The following PTPRD variants were observed in gnomAD, a reference collection of about 807,000 sequenced individuals.
The protein encoded by PTPRD is protein tyrosine phosphatase receptor type D.
Under a neutral mutation model 214.5 loss-of-function variants are expected in PTPRD, and 34 were observed. The observed-to-expected ratio is 0.16, with a 90% CI of 0.12 to 0.21. The LOEUF (loss-of-function observed/expected upper bound fraction) is 0.21. Ranked by LOEUF, PTPRD falls within the 10% of genes least tolerant of loss-of-function variation. PTPRD has a pLI of 1.00. For missense variants in PTPRD, 2,545 were observed against 2,398.7 expected, an observed-to-expected ratio of 1.06 and a Z score of -1.27; for synonymous variants, 1,128 against 845.7, an observed-to-expected ratio of 1.33 and a Z score of -5.79.
chr9:10,245,084 T>C (rs2091860734), intron 3 of PTPRD, among the ~76,000 whole-genome samples: 1 of 152,108 alleles, frequency 6.6e-6, no homozygotes, highest in Non-Finnish European at 1.5e-5. Context: ...TGACATAAAG[T>C]TTGACATTTT....
At chr9:9,630,227 G>T (rs1465670763) in intron 7 of PTPRD, among the ~76,000 whole-genome samples, 1 of 152,208 alleles carries the variant, frequency 6.6e-6, no homozygotes, top group Non-Finnish European at 1.5e-5. Context: ...ATGGGGATAG[G>T]TTGGAGGTTG....
At chr9:10,280,495 T>C (rs1443825743) in intron 3 of PTPRD, among the ~76,000 whole-genome samples, 1 of 152,132 alleles carries the variant, frequency 6.6e-6, no homozygotes, top group Non-Finnish European at 1.5e-5. Context: ...ACAATATAAA[T>C]AAATGTTTGT....
At chr9:9,304,837 A>G (rs749039387) in intron 9 of PTPRD, among the ~76,000 whole-genome samples, 14 of 150,012 alleles carry the variant, frequency 9.3e-5, no homozygotes, top group Admixed American at 2.7e-4. Context: ...TCCACCCTCC[A>G]ACGTTCTTGG....
rs936641489 is a variant in PTPRD at position 10,362,355 on chromosome 9, T to C, written c.-599-21338A>G. 6.5e-5 allele frequency among the ~76,000 whole-genome samples: 8 copies of C among 122,364 alleles called. No homozygotes were observed. The South Asian group carries it at 7.7e-4, about 12-fold the overall frequency. 80.3% of individuals were successfully genotyped at this position (122,364 alleles called of 152,430 possible). ...AGAGAAATTTTTTTTTTTTTTTTTT[T>C]CAGATGAGAGAATTGAGGAAAAGAG... is the stretch of plus-strand genomic sequence containing the variant. On this transcript the variant is annotated intron_variant, in intron 2 of 45. Coordinates refer to ENST00000381196, the MANE Select transcript of PTPRD (RefSeq NM_002839.4).
At chr9:8,881,868 G>T (rs532677700) in intron 11 of PTPRD, among the ~76,000 whole-genome samples, 1 of 152,174 alleles carries the variant, frequency 6.6e-6, no homozygotes. Flanking sequence ...CATTCTTCTG[G>T]ATTCTTAATG....
chr9:8,853,038 A>G (rs1229833470), intron 11 of PTPRD, among the ~76,000 whole-genome samples: 1 of 152,164 alleles, frequency 6.6e-6, no homozygotes, highest in Non-Finnish European at 1.5e-5. Flanking sequence ...TATTTTATAA[A>G]TAAACTGTTA....
chr9:9,020,974 C>A (rs927273841), intron 10 of PTPRD, among the ~76,000 whole-genome samples: 1 of 152,106 alleles, frequency 6.6e-6, no homozygotes, highest in Non-Finnish European at 1.5e-5. Flanking sequence ...AGACTACTTT[C>A]TAATCCTTAC....
rs183793034 is a variant in PTPRD at position 8,564,421 on chromosome 9, G to A, written c.353-35642C>T. ...TAAAATAAAAGTTGATATTCAGGCCGGGCACGGTAGCTCACACATATAATC... is the reference window on the plus strand; with the variant it reads ...TAAAATAAAAGTTGATATTCAGGCCAGGCACGGTAGCTCACACATATAATC... On this transcript the variant is annotated intron_variant, in intron 14 of 45. Coordinates refer to ENST00000381196, the MANE Select transcript of PTPRD (RefSeq NM_002839.4). Among the ~76,000 whole-genome samples the A allele has an allele frequency of 3.5e-4, 54 of 152,162 alleles. 1 individual carries two copies. In the East Asian group the frequency reaches 8.7e-3, roughly 25 times the overall value.
At chr9:8,901,858 T>C (rs996548849) in intron 11 of PTPRD, among the ~76,000 whole-genome samples, 1 of 152,222 alleles carries the variant, frequency 6.6e-6, no homozygotes, top group Non-Finnish European at 1.5e-5. Context: ...TTTTCATACA[T>C]ATAAGATGAT....
chr9:10,489,209 G>C (rs1232551221), intron 2 of PTPRD, among the ~76,000 whole-genome samples: 1 of 152,108 alleles, frequency 6.6e-6, no homozygotes, highest in African/African-American at 2.4e-5. Context: ...TGCCTTCAAG[G>C]CATCAAGTAT....
At chr9:8,680,873 T>A (rs528168858) in intron 12 of PTPRD, among the ~76,000 whole-genome samples, 2 of 152,292 alleles carry the variant, frequency 1.3e-5, no homozygotes, top group African/African-American at 4.8e-5. Context: ...TGTAGTCGAA[T>A]GATTGGCCTC....
At position 10,438,306 on chromosome 9, in the gene PTPRD, T is replaced by G. The variant is rs906192720; in HGVS notation, c.-599-97289A>C. Among the ~76,000 whole-genome samples the G allele has an allele frequency of 2.0e-5, 3 of 151,608 alleles. No individual in the cohort carries two copies. In the East Asian group the frequency reaches 5.8e-4, roughly 29 times the overall value. Reference sequence around the variant, plus strand: ...AGCATCTGGAATTATAAGGGTTCCATTTATGATTTTTGGACTTTATGATAG... The same window carrying G: ...AGCATCTGGAATTATAAGGGTTCCAGTTATGATTTTTGGACTTTATGATAG... On this transcript the variant is annotated intron_variant, in intron 2 of 45. Coordinates refer to ENST00000381196, the MANE Select transcript of PTPRD (RefSeq NM_002839.4).
At chr9:9,637,842 G>A (rs947563049) in intron 7 of PTPRD, among the ~76,000 whole-genome samples, 4 of 152,250 alleles carry the variant, frequency 2.6e-5, no homozygotes, top group African/African-American at 9.6e-5. Flanking sequence ...AGTAGGTCTC[G>A]ACCTGGCACT....
intron 14 of PTPRD, among the ~76,000 whole-genome samples, chr9:8,557,923 CTTAAG>C (rs1341174612): frequency 1.3e-5 from 2 of 151,590 alleles, no homozygotes; most frequent in East Asian, 3.9e-4. Context: ...TTTCTACTTA[CTTAAG>C]TTTACTCTAA....
chr9:9,644,782 G>A (rs982652602), intron 7 of PTPRD, among the ~76,000 whole-genome samples: 2 of 152,154 alleles, frequency 1.3e-5, no homozygotes, highest in East Asian at 1.9e-4. Flanking sequence ...CACTGGCAGA[G>A]GAGCAGAGTG....
chr9:10,267,846 A>G (rs2094168548), intron 3 of PTPRD, among the ~76,000 whole-genome samples: 1 of 152,222 alleles, frequency 6.6e-6, no homozygotes, highest in Non-Finnish European at 1.5e-5. Flanking sequence ...AATAGTTTCT[A>G]TGCTCTGAGA....
intron 12 of PTPRD, among the ~76,000 whole-genome samples, chr9:8,710,414 G>A (rs1269136758): frequency 6.6e-6 from 1 of 152,088 alleles, no homozygotes; most frequent in Non-Finnish European, 1.5e-5. Flanking sequence ...CCATGAGTTT[G>A]AGACCAGCCT....
In PTPRD at chr9:10,552,987, G is replaced by C. The variant is rs548081486; in HGVS notation, c.-600+59411C>G. On this transcript the variant is annotated intron_variant, in intron 2 of 45. Transcript: ENST00000381196. ...AGTTTATGATGACTATTTGTCCTAGGGTAGATTTATTTACAGTTCAAAGTG... is the reference window on the plus strand; with the variant it reads ...AGTTTATGATGACTATTTGTCCTAGCGTAGATTTATTTACAGTTCAAAGTG... Among the ~76,000 whole-genome samples, 32 of 152,208 alleles carry C rather than the reference G, an allele frequency of 2.1e-4. No homozygotes were observed. The South Asian group carries it at 5.6e-3, about 27-fold the overall frequency.
At chr9:9,931,468 T>C (rs1239769607) in intron 5 of PTPRD, among the ~76,000 whole-genome samples, 2 of 152,128 alleles carry the variant, frequency 1.3e-5, no homozygotes, top group African/African-American at 2.4e-5. Context: ...GGGTGACAGA[T>C]GGCACCTGGA....
Sources: allele counts gnomAD v4.1 joint callset (sites outside exome capture counted in the v4.1 genomes callset), GRCh38; gene constraint gnomAD v4.1.1; transcripts MANE v1.5; gene names NCBI Gene and HGNC (gene_info 2026-07-23, HGNC 2026-07-21).